Variants in ZNF654 observed in about 807,000 individuals in gnomAD.
The protein encoded by ZNF654 is melanoma-associated antigen.
ZNF654 carries 19 observed loss-of-function variants against 95.3 expected under a neutral mutation model. The ratio of observed to expected loss-of-function variants is 0.20; its 90% confidence interval spans 0.14 to 0.29. The LOEUF is 0.29. ZNF654 is among the 10% of genes least tolerant of loss of function. The probability of loss-of-function intolerance (pLI) is 1.00; values close to 1 mark genes in which losing one functional copy is unlikely to be tolerated. For missense variants in ZNF654, 1,046 were observed against 1,341.0 expected (o/e 0.78, Z 3.44); for synonymous variants, 413 against 457.9 (o/e 0.90, Z 1.25).
chr3:88,086,234 T>C, intron 1 of ZNF654, 23 bp from the exon 2 acceptor site: 1 of 1,527,012 alleles, frequency 6.5e-7, no homozygotes, highest in Non-Finnish European at 8.7e-7. Context: ...TCTATAGTAA[T>C]GTCTGGATTG....
intron 3 of ZNF654, among the ~76,000 whole-genome samples, chr3:88,116,632 A>G (rs1210495389): frequency 2.0e-5 from 3 of 151,884 alleles, no homozygotes; most frequent in African/African-American, 7.3e-5. Flanking sequence ...GTGTGTATAT[A>G]TATGTATATA....
At chr3:88,080,811 C>CA (rs1440353117) in intron 1 of ZNF654, among the ~76,000 whole-genome samples, 1 of 152,182 alleles carries the variant, frequency 6.6e-6, no homozygotes, top group Non-Finnish European at 1.5e-5. Flanking sequence ...AAGGTTGGAA[C>CA]AGACAGATTT....
chr3:88,082,921 T>A (rs1708154147), intron 1 of ZNF654, among the ~76,000 whole-genome samples: 1 of 152,156 alleles, frequency 6.6e-6, no homozygotes, highest in South Asian at 2.1e-4. Flanking sequence ...AGGGCTCTTT[T>A]CATGGCTTGC....
chr3:88,062,827 A>G (rs1706963275), intron 1 of ZNF654, among the ~76,000 whole-genome samples: 1 of 152,222 alleles, frequency 6.6e-6, no homozygotes, highest in Non-Finnish European at 1.5e-5. Context: ...TTAGTATTGT[A>G]CGTAGCACAC....
At chr3:88,123,837 C>A (rs2107811238) in intron 3 of ZNF654, among the ~76,000 whole-genome samples, 1 of 152,248 alleles carries the variant, frequency 6.6e-6, no homozygotes, top group South Asian at 2.1e-4. Flanking sequence ...GGACCAAAAG[C>A]TAGCTTAGAG....
chr3:88,098,253 C>A (rs1252913174), intron 2 of ZNF654, among the ~76,000 whole-genome samples: 1 of 152,160 alleles, frequency 6.6e-6, no homozygotes. Flanking sequence ...AATTCCTGCA[C>A]ACATACACCC....
chr3:88,104,710 A>G (rs1321158671), intron 2 of ZNF654, among the ~76,000 whole-genome samples: 1 of 152,254 alleles, frequency 6.6e-6, no homozygotes, highest in Non-Finnish European at 1.5e-5. Context: ...GTGTTAAGCC[A>G]AAGTGGACAC....
At position 88,109,247 on chromosome 3, in the gene ZNF654, T is replaced by G. The variant is rs552724690; in HGVS notation, c.333-3868T>G. ...TTACTGAAGAAAATATTTTGAAGAT[T>G]AAGTGCATTAGAATAGTTGAGTATG... On this transcript the variant is annotated intron_variant, in intron 2 of 8. Coordinates refer to ENST00000636215, the MANE Select transcript of ZNF654 (RefSeq NM_001350134.2). 3.3e-5 allele frequency among the ~76,000 whole-genome samples: 5 copies of G among 151,872 alleles called. No homozygotes were observed. In the East Asian group the frequency reaches 7.7e-4, roughly 23 times the overall value.
At chr3:88,131,289 G>A (rs1446187143) in intron 6 of ZNF654, among the ~76,000 whole-genome samples, 1 of 152,162 alleles carries the variant, frequency 6.6e-6, no homozygotes, top group Non-Finnish European at 1.5e-5. Flanking sequence ...GCAGTCTTCT[G>A]TTCACTGAAA....
At chr3:88,116,491 T>G (rs919526121) in intron 3 of ZNF654, among the ~76,000 whole-genome samples, 1 of 150,904 alleles carries the variant, frequency 6.6e-6, no homozygotes, top group African/African-American at 2.4e-5. Context: ...TCGCACTCCA[T>G]CCAGCCAGGG....
intron 2 of ZNF654, among the ~76,000 whole-genome samples, chr3:88,108,505 A>C (rs146189020): frequency 1.8e-3 from 270 of 152,330 alleles, no homozygotes; most frequent in Non-Finnish European, 3.1e-3. Flanking sequence ...AAAAATGTTA[A>C]ATAGAATATT....
intron 1 of ZNF654, among the ~76,000 whole-genome samples, chr3:88,077,616 A>C (rs1707882884): frequency 6.6e-6 from 1 of 152,196 alleles, no homozygotes; most frequent in South Asian, 2.1e-4. Flanking sequence ...ATGTCAGAAA[A>C]ATTATACTGC....
intron 1 of ZNF654, among the ~76,000 whole-genome samples, chr3:88,064,689 A>G (rs1036211191): frequency 6.6e-6 from 1 of 152,042 alleles, no homozygotes; most frequent in African/African-American, 2.4e-5. Context: ...CTAATTTCCA[A>G]CTACCCATCT....
chr3:88,066,678 C>T (rs1707220412), intron 1 of ZNF654, among the ~76,000 whole-genome samples: 1 of 151,912 alleles, frequency 6.6e-6, no homozygotes, highest in African/African-American at 2.4e-5. Context: ...TTAGTTATAT[C>T]ATCTTTTCAC....
rs559755980 is a variant in ZNF654 at position 88,104,069 on chromosome 3, C to T, written c.333-9046C>T. Among the ~76,000 whole-genome samples the T allele has an allele frequency of 4.0e-5, 6 of 151,774 alleles. No homozygotes were observed. In the East Asian group the frequency reaches 5.8e-4, roughly 15 times the overall value. On this transcript the variant is annotated intron_variant, in intron 2 of 8. Transcript: ENST00000636215. ...ACCACACCTGGTCAAACTTTCAGTT[C>T]GAGAAAATATATTTCTAAAGTAAAA... is the stretch of plus-strand genomic sequence containing the variant.
intron 8 of ZNF654, among the ~76,000 whole-genome samples, chr3:88,141,252 A>G (rs1707112038): frequency 6.6e-6 from 1 of 152,140 alleles, no homozygotes; most frequent in East Asian, 1.9e-4. Flanking sequence ...AGCAACTGAA[A>G]TTCACAAGTA....
chr3:88,136,783 A>G (rs923094492), intron 7 of ZNF654, among the ~76,000 whole-genome samples: 13 of 152,216 alleles, frequency 8.5e-5, no homozygotes, highest in African/African-American at 2.9e-4. Flanking sequence ...TTGAAAATTC[A>G]TAAATATCCT....
intron 3 of ZNF654, among the ~76,000 whole-genome samples, chr3:88,124,480 G>A (rs1173750294): frequency 1.3e-5 from 2 of 152,230 alleles, no homozygotes; most frequent in East Asian, 3.9e-4. Flanking sequence ...CATAAAACAA[G>A]TAAAACCTCT....
At chr3:88,134,101 G>GT (rs1297536187) in intron 6 of ZNF654, among the ~76,000 whole-genome samples, 3 of 146,694 alleles carry the variant, frequency 2.0e-5, no homozygotes, top group Non-Finnish European at 4.5e-5. Flanking sequence ...AAGAGTGTGA[G>GT]TTAAAAAAAA....
Sources: allele counts gnomAD v4.1 joint callset (sites outside exome capture counted in the v4.1 genomes callset), GRCh38; gene constraint gnomAD v4.1.1; transcripts MANE v1.5; gene names NCBI Gene and HGNC (gene_info 2026-07-23, HGNC 2026-07-21).